The following AKAP6 variants were observed in gnomAD, a reference collection of about 807,000 sequenced individuals.
The protein encoded by AKAP6 is A-kinase anchor protein 6.
A neutral mutation model predicts 188.5 loss-of-function variants in AKAP6; 58 were observed. The observed-to-expected ratio is 0.31, with a 90% CI of 0.25 to 0.38. The LOEUF is 0.38. Ranked by LOEUF, AKAP6 falls within the 10% of genes least tolerant of loss-of-function variation. The pLI, the probability that AKAP6 is intolerant of heterozygous loss-of-function variation, is 1.00. For missense variants in AKAP6, 2,710 were observed against 2,740.0 expected (o/e 0.99, Z 0.24); for synonymous variants, 989 against 998.6 (o/e 0.99, Z 0.18).
intron 1 of AKAP6, among the ~76,000 whole-genome samples, chr14:32,386,830 C>T (rs184079723): frequency 1.3e-5 from 2 of 152,234 alleles, no homozygotes; most frequent in East Asian, 3.9e-4. Context: ...TCGTGGCTAG[C>T]CAATTACCCC....
intron 7 of AKAP6, among the ~76,000 whole-genome samples, chr14:32,620,266 A>G (rs982735722): frequency 2.4e-4 from 37 of 152,074 alleles, no homozygotes; most frequent in African/African-American, 8.4e-4. Context: ...AATGTTTTCA[A>G]CTTTTCCCCA....
At chr14:32,705,199 T>G (rs1890762945) in intron 9 of AKAP6, among the ~76,000 whole-genome samples, 1 of 152,194 alleles carries the variant, frequency 6.6e-6, no homozygotes, top group East Asian at 1.9e-4. Flanking sequence ...CTGACCATAC[T>G]GCCTTTAATC....
intron 7 of AKAP6, among the ~76,000 whole-genome samples, chr14:32,602,124 C>T (rs1885950683): frequency 6.6e-6 from 1 of 152,086 alleles, no homozygotes; most frequent in Non-Finnish European, 1.5e-5. Flanking sequence ...CAGCACATTT[C>T]TCAGGGCAAA....
chr14:32,579,764 TAA>T (rs987193145), intron 5 of AKAP6, among the ~76,000 whole-genome samples: 5 of 152,302 alleles, frequency 3.3e-5, no homozygotes, highest in Admixed American at 1.3e-4. Flanking sequence ...GAATTAATGA[TAA>T]GTTATTCTTC....
chr14:32,573,488 C>T (rs961731145), intron 4 of AKAP6, among the ~76,000 whole-genome samples: 1 of 152,020 alleles, frequency 6.6e-6, no homozygotes, highest in Non-Finnish European at 1.5e-5. Context: ...GAAGAGTGTC[C>T]CAACTCTTTA....
intron 7 of AKAP6, among the ~76,000 whole-genome samples, chr14:32,627,166 T>C (rs1297755549): frequency 1.3e-5 from 2 of 152,176 alleles, no homozygotes; most frequent in Admixed American, 6.6e-5. Flanking sequence ...CATCAAATGC[T>C]CAGTTCATTC....
At chr14:32,695,179 T>G (rs1352150793) in intron 8 of AKAP6, among the ~76,000 whole-genome samples, 5 of 152,216 alleles carry the variant, frequency 3.3e-5, no homozygotes, top group Non-Finnish European at 7.3e-5. Context: ...TTGCTGGCTA[T>G]TCAAAGATTC....
At chr14:32,520,339 C>T (rs1251533839) in intron 2 of AKAP6, among the ~76,000 whole-genome samples, 1 of 152,126 alleles carries the variant, frequency 6.6e-6, no homozygotes, top group Non-Finnish European at 1.5e-5. Context: ...CAAGAATTAA[C>T]TAAGATCAGA....
intron 5 of AKAP6, among the ~76,000 whole-genome samples, chr14:32,581,707 G>A (rs981773160): frequency 8.5e-5 from 13 of 152,238 alleles, no homozygotes; most frequent in Admixed American, 6.5e-5. Flanking sequence ...ATTTAGGACA[G>A]TTAGCTCTTC....
At chr14:32,517,846 G>A (rs1173442150) in intron 2 of AKAP6, among the ~76,000 whole-genome samples, 1 of 152,240 alleles carries the variant, frequency 6.6e-6, no homozygotes, top group Non-Finnish European at 1.5e-5. Context: ...GAAGAGAGCA[G>A]TGGTTCTCCT....
At chr14:32,754,113 C>G (rs2032243462) in intron 11 of AKAP6, among the ~76,000 whole-genome samples, 2 of 151,924 alleles carry the variant, frequency 1.3e-5, no homozygotes, top group African/African-American at 2.4e-5. Flanking sequence ...ATTGAAGGCT[C>G]CTACTATAAT....
intron 1 of AKAP6, among the ~76,000 whole-genome samples, chr14:32,372,986 G>A (rs969006564): frequency 2.0e-5 from 3 of 152,044 alleles, no homozygotes; most frequent in Non-Finnish European, 4.4e-5. Context: ...AGGAAAAGAT[G>A]ATGTCAGACA....
intron 11 of AKAP6, among the ~76,000 whole-genome samples, chr14:32,760,264 A>G (rs1380533736): frequency 6.6e-6 from 1 of 152,238 alleles, no homozygotes; most frequent in Non-Finnish European, 1.5e-5. Context: ...GAGATATTCA[A>G]AATTGTATTT....
chr14:32,534,989 C>CAA (rs10707758), intron 2 of AKAP6, among the ~76,000 whole-genome samples: 9 of 101,962 alleles, frequency 8.8e-5, no homozygotes, highest in South Asian at 3.3e-4. Flanking sequence ...AAAAACAAAC[C>CAA]AAAAAAAAAA....
chr14:32,525,246 C>T (rs1171317442), intron 2 of AKAP6, among the ~76,000 whole-genome samples: 1 of 152,126 alleles, frequency 6.6e-6, no homozygotes, highest in Non-Finnish European at 1.5e-5. Flanking sequence ...TTCCTCCAAA[C>T]TTTTTGTTTA....
At chr14:32,405,824 C>T (rs1236062251) in intron 1 of AKAP6, among the ~76,000 whole-genome samples, 2 of 152,128 alleles carry the variant, frequency 1.3e-5, no homozygotes, top group Non-Finnish European at 2.9e-5. Context: ...TTCCTGAGGC[C>T]TCCCCAGTCA....
chr14:32,813,143 G>T lies in AKAP6; in HGVS notation c.3589-8259G>T, dbSNP rs568223534. Among the ~76,000 whole-genome samples the T allele has an allele frequency of 8.5e-4, 129 of 152,174 alleles. 1 individual carries two copies. Among genetic ancestry groups the T allele is most frequent in the Non-Finnish European group, 1.6e-3 (111 of 68,006 alleles). ...CACAACCCTTCCTTAGGTTATTCTAGCCATAACTTGCTAGAATTGCTAGAA... is the reference window on the plus strand; with the variant it reads ...CACAACCCTTCCTTAGGTTATTCTATCCATAACTTGCTAGAATTGCTAGAA... On this transcript the variant is annotated intron_variant, in intron 12 of 13. Coordinates refer to ENST00000280979, the MANE Select transcript of AKAP6 (RefSeq NM_004274.5).
chr14:32,441,417 G>C lies in AKAP6; in HGVS notation c.324+7600G>C, dbSNP rs372829925. Among the ~76,000 whole-genome samples the C allele has an allele frequency of 4.0e-4, 61 of 152,230 alleles. 2 individuals carry two copies. In the South Asian group the frequency reaches 0.013, roughly 32 times the overall value. On this transcript the variant is annotated intron_variant, in intron 2 of 13. Coordinates refer to ENST00000280979, the MANE Select transcript of AKAP6 (RefSeq NM_004274.5). ...AGATATTTAGAAGACCCAATTATGT[G>C]GGAAAAAGTCTATCTCAATTAATTG...
chr14:32,394,673 T>G (rs1470349345), intron 1 of AKAP6, among the ~76,000 whole-genome samples: 1 of 152,204 alleles, frequency 6.6e-6, no homozygotes. Flanking sequence ...AACTTGGCTG[T>G]GCTGCATTTG....
Sources: gnomAD v4.1 joint callset for allele counts (sites outside exome capture counted in the v4.1 genomes callset) on GRCh38, gnomAD v4.1.1 for gene constraint, MANE v1.5 for transcripts, NCBI Gene and HGNC (gene_info 2026-07-23, HGNC 2026-07-21) for gene names.